The following CELSR1 variants were observed in gnomAD, a reference collection of about 807,000 sequenced individuals.
CELSR1 encodes cadherin EGF LAG seven-pass G-type receptor 1.
CELSR1 carries 110 observed loss-of-function variants against 249.1 expected under a neutral mutation model. The observed-to-expected ratio is 0.44, with a 90% CI of 0.38 to 0.52. The LOEUF (loss-of-function observed/expected upper bound fraction) is 0.52, where lower values mean the gene tolerates loss of function less well. Ranked by LOEUF, CELSR1 falls within the 20% of genes least tolerant of loss-of-function variation. The pLI is 0.00. For synonymous variants in CELSR1, 2,113 were observed against 1,900.0 expected (o/e 1.11, Z -2.92); for missense variants, 4,109 against 4,296.4 (o/e 0.96, Z 1.22).
intron 2 of CELSR1, among the ~76,000 whole-genome samples, chr22:46,449,655 TA>T (rs201585778): frequency 6.6e-6 from 1 of 151,790 alleles, no homozygotes; most frequent in Non-Finnish European, 1.5e-5. Flanking sequence ...TCCATCTAGG[TA>T]AAAAAATGTC....
At chr22:46,497,150 C>G (rs1474293675) in intron 1 of CELSR1, among the ~76,000 whole-genome samples, 1 of 152,192 alleles carries the variant, frequency 6.6e-6, no homozygotes, top group Admixed American at 6.5e-5. Flanking sequence ...TATGACACCA[C>G]CATCCTATAT....
chr22:46,469,998 G>T (rs2080138923), intron 1 of CELSR1, among the ~76,000 whole-genome samples: 2 of 128,398 alleles, frequency 1.6e-5, no homozygotes, highest in African/African-American at 2.9e-5. Flanking sequence ...GAGGGAGGGA[G>T]GGAGAGGCAA....
chr22:46,441,362 C>T lies in CELSR1; in HGVS notation c.4184-1951G>A, dbSNP rs1035185335. Among the ~76,000 whole-genome samples, 4 of 152,036 alleles carry T rather than the reference C, an allele frequency of 2.6e-5. No individual in the cohort carries two copies. The highest frequency in any genetic ancestry group is 5.9e-5 in the Non-Finnish European group (4 of 67,998). On this transcript the variant is annotated intron_variant, in intron 2 of 34. Coordinates refer to ENST00000674500, the MANE Select transcript of CELSR1 (RefSeq NM_001378328.1). This position sits in a 1 kb window ranked among gnomAD's most constrained non-coding sequence, Gnocchi z 6.1. ...TCCCCCCGAGAGGCCTCCAACCACG[C>T]TCCGGACGGCCAGTGGGATTCACAC...
Position 46,473,535 on chromosome 22 carries a change from G to T in CELSR1, c.3545-9190C>A, listed in dbSNP as rs955899526. Among the ~76,000 whole-genome samples, 4 of 152,146 alleles carry T rather than the reference G, an allele frequency of 2.6e-5. No individual in the cohort carries two copies. The highest frequency in any genetic ancestry group is 9.7e-5 in the African/African-American group (4 of 41,422). Reference sequence around the variant, plus strand: ...CTCCGTCACCACCCCATGCACCAAAGCCTGGGGGGCTCCTCCACTCTCCCG... The same window carrying T: ...CTCCGTCACCACCCCATGCACCAAATCCTGGGGGGCTCCTCCACTCTCCCG... On this transcript the variant is annotated intron_variant, in intron 1 of 34. Transcript: ENST00000674500. The surrounding 1 kb of genome is among the most constrained non-coding windows in gnomAD (Gnocchi z 6.6).
At chr22:46,503,847 A>T (rs1485192526) in intron 1 of CELSR1, among the ~76,000 whole-genome samples, 5 of 150,744 alleles carry the variant, frequency 3.3e-5, no homozygotes. Context: ...CCCTGGCAAC[A>T]CAGCAAGACC....
chr22:46,466,049 G>A (rs1006409332), intron 1 of CELSR1, among the ~76,000 whole-genome samples: 7 of 152,164 alleles, frequency 4.6e-5, no homozygotes, highest in Non-Finnish European at 8.8e-5. Flanking sequence ...AGAGCCCTTC[G>A]AGGCTACTCA....
chr22:46,501,111 G>A (rs536005094), intron 1 of CELSR1, among the ~76,000 whole-genome samples: 15 of 151,216 alleles, frequency 9.9e-5, no homozygotes, highest in Non-Finnish European at 1.6e-4. Context: ...TCAGCTCACC[G>A]CAACCTTCGC....
In CELSR1 at chr22:46,394,274, A is replaced by G; in HGVS notation, c.5844-12T>C. ...ACGGAAGGTCGAGTCTGTGGGGAAA[A>G]TAAGAGGGCAGCTGGAAGGTTTATG... On this transcript the variant is annotated splice_polypyrimidine_tract_variant and intron_variant, in intron 13 of 34. Coordinates refer to ENST00000674500, the MANE Select transcript of CELSR1 (RefSeq NM_001378328.1). 1 of 1,610,544 alleles carries G rather than the reference A, an allele frequency of 6.2e-7. No homozygotes were observed. The highest frequency in any genetic ancestry group is 2.2e-5 in the East Asian group (1 of 44,842).
intron 24 of CELSR1, among the ~76,000 whole-genome samples, chr22:46,375,086 G>A (rs2078904353): frequency 6.6e-6 from 1 of 152,178 alleles, no homozygotes; most frequent in African/African-American, 2.4e-5. Context: ...GAGGTAAGAG[G>A]GGTCTGGTCC....
In CELSR1 at chr22:46,389,283, C is replaced by T. The variant is rs776628147; in HGVS notation, c.6555+7G>A. On this transcript the variant is annotated splice_region_variant and intron_variant, in intron 18 of 34. Transcript: ENST00000674500. ...TCCCCGAGCCAGGGTGGCGGCCACC[C>T]GCCTACCTCGTGAAAGTCGGCGTCC... The T allele has an allele frequency of 3.5e-5, 56 of 1,602,736 alleles. No individual in the cohort carries two copies. The South Asian group carries it at 3.5e-4, about 10-fold the overall frequency.
rs201430002 is a variant in CELSR1 at position 46,364,282 on chromosome 22, C to G, written c.8780-31G>C. 131 of 1,597,810 alleles carry G rather than the reference C, an allele frequency of 8.2e-5. 1 individual carries two copies. The highest frequency in any genetic ancestry group is 1.0e-4 in the Non-Finnish European group (122 of 1,177,052). On this transcript the variant is annotated intron_variant, in intron 33 of 34. Coordinates refer to ENST00000674500, the MANE Select transcript of CELSR1 (RefSeq NM_001378328.1). ...AGGAGGAGACACGGCAAGGTCAAGT[C>G]CGGGTGATGCTGCCGGGGGCAGCTG...
rs2147150908 is a variant in CELSR1, at chr22:46,364,111, G to A, written c.8920C>T (p.Pro2974Ser). 1 of 1,612,260 alleles carries A rather than the reference G, an allele frequency of 6.2e-7. No homozygotes were observed. ...CTCTTGACTGTGATGGCGCAGTCGG[G>A]GCCGCCAGAGCCCAGGGAAGACGTG... ...SRTSSLGSGGPDCAITVKSPG... is the reference protein window; with the variant it reads ...SRTSSLGSGGSDCAITVKSPG... Residue 2974 changes from proline to serine, a missense_variant, in exon 34 of 35, where the codon CCC (proline) becomes TCC (serine). Physicochemically the swap from Pro to Ser is moderately conservative, Grantham distance 74. Transcript: ENST00000674500.
intron 30 of CELSR1, 94 bp downstream of exon 30, chr22:46,366,292 G>A (rs2147162200): frequency 1.6e-6 from 1 of 617,464 alleles, no homozygotes; most frequent in South Asian, 3.2e-5. Context: ...GGAAGGTGAT[G>A]TTGGTTGAAT....
At chr22:46,533,083 C>CA (rs2080808898) in intron 1 of CELSR1, among the ~76,000 whole-genome samples, 1 of 152,232 alleles carries the variant, frequency 6.6e-6, no homozygotes, top group Non-Finnish European at 1.5e-5. Flanking sequence ...CAAAGCCCTA[C>CA]ACACCTAAGC....
intron 2 of CELSR1, among the ~76,000 whole-genome samples, chr22:46,452,826 C>T (rs150370856): frequency 3.9e-3 from 597 of 152,360 alleles, no homozygotes; most frequent in Non-Finnish European, 6.5e-3. Context: ...GCCCTTGGCC[C>T]AGCACATGCC....
intron 1 of CELSR1, among the ~76,000 whole-genome samples, chr22:46,494,295 C>T (rs191068105): frequency 3.3e-5 from 5 of 152,262 alleles, no homozygotes; most frequent in African/African-American, 4.8e-5. Context: ...CTCAAAGTGG[C>T]CTTGGCTATT....
intron 1 of CELSR1, among the ~76,000 whole-genome samples, chr22:46,508,848 G>A (rs79331434): frequency 0.019 from 2,901 of 152,282 alleles, 120 homozygotes; most frequent in African/African-American, 0.066. Context: ...CTGTGAACCT[G>A]GGAAACTGGG....
intron 27 of CELSR1, 45 bp downstream of exon 27, chr22:46,369,134 G>C: frequency 1.3e-6 from 2 of 1,590,976 alleles, no homozygotes; most frequent in East Asian, 4.5e-5. Context: ...CGGGGTCTCA[G>C]GGCCCAGCCG....
At position 46,382,547 on chromosome 22, in the gene CELSR1, A is replaced by G. The variant is rs867545312; in HGVS notation, c.6884-497T>C. ...CGCCTCGGCCTCCCAAAGTGCTGGG[A>G]TTACAGCCGTGAGCCACCGCGCCCG... On this transcript the variant is annotated intron_variant, in intron 20 of 34. Coordinates refer to ENST00000674500, the MANE Select transcript of CELSR1 (RefSeq NM_001378328.1). Among the ~76,000 whole-genome samples the G allele has an allele frequency of 2.0e-5, 3 of 152,258 alleles. No homozygotes were observed. The Middle Eastern group carries it at 0.01, about 518-fold the overall frequency.
Sources: gnomAD v4.1 joint callset for allele counts (sites outside exome capture counted in the v4.1 genomes callset) on GRCh38, gnomAD v4.1.1 for gene constraint, Gnocchi (gnomAD v3.1) non-coding constraint, MANE v1.5 for transcripts, NCBI Gene and HGNC (gene_info 2026-07-23, HGNC 2026-07-21) for gene names.